CCDC38: variants seen among roughly 807,000 people sequenced by gnomAD.
CCDC38 encodes coiled-coil domain-containing protein 38.
CCDC38 carries 69 observed loss-of-function variants against 72.8 expected under a neutral mutation model. The ratio of observed to expected loss-of-function variants is 0.95; its 90% confidence interval spans 0.78 to 1.16. The LOEUF (loss-of-function observed/expected upper bound fraction) is 1.16. Ranked by LOEUF, CCDC38 falls within the 50% of genes most tolerant of loss-of-function variation. The probability of loss-of-function intolerance (pLI) is 0.00; values close to 1 mark genes in which losing one functional copy is unlikely to be tolerated. For synonymous variants in CCDC38, 201 were observed against 213.2 expected (o/e 0.94, Z 0.50); for missense variants, 626 against 638.9 (o/e 0.98, Z 0.22).
intron 2 of CCDC38, among the ~76,000 whole-genome samples, chr12:95,920,852 G>A (rs112034502): frequency 2.2e-4 from 33 of 152,020 alleles, no homozygotes; most frequent in Admixed American, 5.9e-4. Context: ...AAAGAGGGCC[G>A]GGCGCAGTGG....
At chr12:95,901,334 A>G (rs1203940914) in intron 5 of CCDC38, among the ~76,000 whole-genome samples, 5 of 152,184 alleles carry the variant, frequency 3.3e-5, no homozygotes, top group African/African-American at 1.2e-4. Flanking sequence ...AGGAAAGAGT[A>G]TATTAGGGGC....
intron 5 of CCDC38, among the ~76,000 whole-genome samples, chr12:95,906,115 A>G (rs1366596374): frequency 6.6e-6 from 1 of 152,212 alleles, no homozygotes; most frequent in Non-Finnish European, 1.5e-5. Context: ...TTCTAGAATA[A>G]TTTTTCTGAT....
chr12:95,878,302 T>A lies in CCDC38; in HGVS notation c.1187A>T (p.Lys396Ile). The A allele has an allele frequency of 6.2e-7, 1 of 1,613,536 alleles. No homozygotes were observed. The highest frequency in any genetic ancestry group is 8.5e-7 in the Non-Finnish European group (1 of 1,179,764). The stretch of plus-strand genomic sequence containing the variant: ...CTCTTCTTCTCTCACACAGTTAGCT[T>A]TAAGCATTTTTTCTTGCTCCAAAAG... ...EFLLEQEKML[K>I]ANCVREEEKA... is the part of the protein sequence containing the mutation. Residue 396 changes from lysine to isoleucine, a missense_variant, in exon 13 of 16, where the codon AAA becomes ATA. Transcript: ENST00000344280.
intron 10 of CCDC38, 25 bp downstream of exon 10, chr12:95,888,433 G>A (rs772916062): frequency 2.5e-6 from 4 of 1,605,526 alleles, no homozygotes; most frequent in Non-Finnish European, 8.5e-7. Flanking sequence ...AGTTTCCAAG[G>A]GAGTTAGTCA....
At chr12:95,909,693 C>G (rs1045903406) in intron 4 of CCDC38, among the ~76,000 whole-genome samples, 2 of 152,076 alleles carry the variant, frequency 1.3e-5, no homozygotes, top group African/African-American at 4.8e-5. Context: ...CATCAAAAAG[C>G]TAATTCACCA....
At chr12:95,867,272 C>CCAA (rs1302134464) in intron 15 of CCDC38, 83 bp from the exon 16 acceptor site, 1 of 741,144 alleles carries the variant, frequency 1.3e-6, no homozygotes, top group African/African-American at 1.8e-5. Flanking sequence ...CCAATATTAA[C>CCAA]TTGATTTTTA....
At chr12:95,904,568 G>A (rs1565954923) in intron 5 of CCDC38, among the ~76,000 whole-genome samples, 1 of 152,248 alleles carries the variant, frequency 6.6e-6, no homozygotes, top group Non-Finnish European at 1.5e-5. Context: ...CCCTCCCCAT[G>A]GAACTAGGAG....
intron 2 of CCDC38, chr12:95,934,576 A>C (rs2080371488): frequency 6.6e-6 from 1 of 152,108 alleles, no homozygotes. Context: ...AAGTAATATA[A>C]ATCCTTTAAT....
At chr12:95,909,721 C>T (rs1220482481) in intron 4 of CCDC38, among the ~76,000 whole-genome samples, 1 of 152,106 alleles carries the variant, frequency 6.6e-6, no homozygotes, top group Non-Finnish European at 1.5e-5. Flanking sequence ...GTGGGCTTTA[C>T]TCCTAGAATA....
chr12:95,877,653 A>G (rs2079650140), intron 13 of CCDC38, among the ~76,000 whole-genome samples: 1 of 152,212 alleles, frequency 6.6e-6, no homozygotes, highest in Non-Finnish European at 1.5e-5. Flanking sequence ...AACTGAATGA[A>G]GAATAATAAG....
At chr12:95,881,598 AT>A in intron 10 of CCDC38, 44 bp from the exon 11 acceptor site, 1 of 1,518,708 alleles carries the variant, frequency 6.6e-7, no homozygotes, top group Non-Finnish European at 9.1e-7. Flanking sequence ...TTTGTGAGCC[AT>A]TTTCTGTCAA....
intron 5 of CCDC38, among the ~76,000 whole-genome samples, chr12:95,903,223 A>G (rs2079967749): frequency 6.6e-6 from 1 of 152,118 alleles, no homozygotes; most frequent in Non-Finnish European, 1.5e-5. Context: ...TAAAAATACA[A>G]TTGATTTCTG....
At chr12:95,878,128 C>G (rs2079655187) in intron 13 of CCDC38, 83 bp downstream of exon 13, 1 of 1,470,472 alleles carries the variant, frequency 6.8e-7, no homozygotes, top group African/African-American at 1.4e-5. Context: ...CTTTAACTCT[C>G]CTATTCACAT....
intron 10 of CCDC38, among the ~76,000 whole-genome samples, chr12:95,882,921 C>T (rs1270511927): frequency 6.6e-6 from 1 of 152,232 alleles, no homozygotes; most frequent in Non-Finnish European, 1.5e-5. Context: ...TCCTTCTCTT[C>T]TCCTCAGGCA....
intron 5 of CCDC38, among the ~76,000 whole-genome samples, chr12:95,901,907 G>T (rs1191217506): frequency 6.6e-6 from 1 of 152,162 alleles, no homozygotes; most frequent in Non-Finnish European, 1.5e-5. Context: ...TGCTATAAAG[G>T]AGAGCAGAAA....
At chr12:95,925,558 C>T (rs144506825) in intron 2 of CCDC38, among the ~76,000 whole-genome samples, 1,983 of 152,214 alleles carry the variant, frequency 0.013, 41 homozygotes, top group African/African-American at 0.045. Context: ...ATTGCCCTGG[C>T]CAGAACTTCC....
intron 15 of CCDC38, among the ~76,000 whole-genome samples, chr12:95,867,770 C>T (rs2079538056): frequency 6.6e-6 from 1 of 152,232 alleles, no homozygotes; most frequent in East Asian, 1.9e-4. Context: ...TTTCTCTTTA[C>T]TTTTGGGATT....
At chr12:95,872,489 A>C in intron 13 of CCDC38, 29 bp from the exon 14 acceptor site, 1 of 1,400,068 alleles carries the variant, frequency 7.1e-7, no homozygotes, top group African/African-American at 1.4e-5. Flanking sequence ...GAAAACATTA[A>C]CATCACATTC....
intron 2 of CCDC38, among the ~76,000 whole-genome samples, chr12:95,919,206 G>A (rs2136721389): frequency 2.0e-5 from 3 of 152,298 alleles, no homozygotes; most frequent in Middle Eastern, 6.8e-3. Context: ...GAGACTCCAG[G>A]GATATCTCAT....
Sources: allele counts gnomAD v4.1 joint callset (sites outside exome capture counted in the v4.1 genomes callset), GRCh38; gene constraint gnomAD v4.1.1; transcripts MANE v1.5; gene names NCBI Gene and HGNC (gene_info 2026-07-23, HGNC 2026-07-21).